TMTC2: variants seen among roughly 807,000 people sequenced by gnomAD.
The protein encoded by TMTC2 is transmembrane O-mannosyltransferase targeting cadherins 2, also known as protein O-mannosyl-transferase TMTC2.
TMTC2 carries 43 observed loss-of-function variants against 82.4 expected under a neutral mutation model. The ratio of observed to expected loss-of-function variants is 0.52; its 90% CI spans 0.41 to 0.67. The LOEUF is 0.67. Ranked by LOEUF, TMTC2 falls within the 30% of genes least tolerant of loss-of-function variation. The probability of loss-of-function intolerance (pLI) is 0.00; values close to 1 mark genes in which losing one functional copy is unlikely to be tolerated. For missense variants in TMTC2, 919 were observed against 1,012.4 expected (o/e 0.91, Z 1.25); for synonymous variants, 408 against 381.9 (o/e 1.07, Z -0.80).
At chr12:83,029,624 C>A (rs76098259) in intron 8 of TMTC2, among the ~76,000 whole-genome samples, 102 of 152,232 alleles carry the variant, frequency 6.7e-4, no homozygotes, top group African/African-American at 2.3e-3. Context: ...TTGGACACCA[C>A]CCAGTGCCTT....
intron 4 of TMTC2, among the ~76,000 whole-genome samples, chr12:82,949,448 G>A (rs901620145): frequency 6.6e-6 from 1 of 152,112 alleles, no homozygotes; most frequent in Non-Finnish European, 1.5e-5. Context: ...TCATGGGAAG[G>A]GTAATGGGGA....
At chr12:83,116,232 G>A (rs1405054229) in intron 11 of TMTC2, among the ~76,000 whole-genome samples, 2 of 152,174 alleles carry the variant, frequency 1.3e-5, no homozygotes, top group African/African-American at 2.4e-5. Flanking sequence ...TCTCATCTAG[G>A]TTGTGGCAAA....
chr12:82,831,245 C>A (rs1403885852), intron 1 of TMTC2, among the ~76,000 whole-genome samples: 1 of 152,126 alleles, frequency 6.6e-6, no homozygotes, highest in Non-Finnish European at 1.5e-5. Flanking sequence ...CTGGTTTGAC[C>A]ACCTAACCAT....
chr12:82,735,645 C>T (rs1441155460), intron 1 of TMTC2, among the ~76,000 whole-genome samples: 4 of 151,070 alleles, frequency 2.6e-5, no homozygotes, highest in Non-Finnish European at 5.9e-5. Flanking sequence ...GCACCCAGCC[C>T]CCCTAATTTT....
intron 1 of TMTC2, among the ~76,000 whole-genome samples, chr12:82,687,985 C>T (rs1239997651): frequency 2.6e-5 from 4 of 152,162 alleles, no homozygotes; most frequent in Non-Finnish European, 5.9e-5. Flanking sequence ...AAATTAAAGT[C>T]TTAGGTATTC....
intron 1 of TMTC2, among the ~76,000 whole-genome samples, chr12:82,708,051 GT>G (rs1270045096): frequency 6.6e-6 from 1 of 152,190 alleles, no homozygotes; most frequent in East Asian, 1.9e-4. Context: ...CCTGCAGTCT[GT>G]TTTTTTAAAC....
intron 8 of TMTC2, 128 bp downstream of exon 8, chr12:82,986,174 C>T: frequency 7.8e-7 from 1 of 1,277,722 alleles, no homozygotes; most frequent in Non-Finnish European, 1.1e-6. Flanking sequence ...GTGATACTAA[C>T]TTTGAACCCT....
intron 1 of TMTC2, among the ~76,000 whole-genome samples, chr12:82,814,160 G>A (rs553768949): frequency 2.0e-5 from 3 of 152,152 alleles, no homozygotes; most frequent in South Asian, 2.1e-4. Context: ...CCAGTTAATC[G>A]GCCTGCAAAG....
intron 10 of TMTC2, among the ~76,000 whole-genome samples, chr12:83,052,536 T>C (rs1368640093): frequency 6.6e-6 from 1 of 152,158 alleles, no homozygotes; most frequent in Non-Finnish European, 1.5e-5. Context: ...GACTTTTTGT[T>C]CCTCATGAAT....
At chr12:83,041,147 G>A (rs1186759347) in intron 9 of TMTC2, among the ~76,000 whole-genome samples, 3 of 152,106 alleles carry the variant, frequency 2.0e-5, no homozygotes, top group Admixed American at 6.6e-5. Context: ...CTAAGGCGAC[G>A]TATAGTTATG....
chr12:83,059,931 C>T (rs1351779816), intron 10 of TMTC2, among the ~76,000 whole-genome samples: 2 of 151,744 alleles, frequency 1.3e-5, no homozygotes, highest in Non-Finnish European at 1.5e-5. Context: ...TTCCTACCTG[C>T]ATGCCTTTTA....
chr12:82,745,552 G>A (rs1207189010), intron 1 of TMTC2, among the ~76,000 whole-genome samples: 4 of 152,204 alleles, frequency 2.6e-5, no homozygotes, highest in South Asian at 2.1e-4. Context: ...CTCCTGTTCA[G>A]TAGCTTAAAA....
At chr12:83,122,663 A>G (rs1238594570) in intron 11 of TMTC2, among the ~76,000 whole-genome samples, 1 of 152,170 alleles carries the variant, frequency 6.6e-6, no homozygotes, top group Non-Finnish European at 1.5e-5. Context: ...GGGCACTCAC[A>G]GTATTTGGGG....
intron 4 of TMTC2, among the ~76,000 whole-genome samples, chr12:82,940,014 C>G (rs201576292): frequency 2.2e-5 from 2 of 91,264 alleles, no homozygotes; most frequent in East Asian, 3.0e-4. Context: ...TCTTTCTTTA[C>G]TTTTTTTTTT....
At chr12:82,885,585 G>A (rs1191399245) in intron 2 of TMTC2, among the ~76,000 whole-genome samples, 2 of 151,744 alleles carry the variant, frequency 1.3e-5, no homozygotes, top group East Asian at 1.9e-4. Context: ...GCCCAAGTGG[G>A]TCCTGAACTT....
At chr12:83,029,114 TTTTTGTTTTG>T (rs375722686) in intron 8 of TMTC2, among the ~76,000 whole-genome samples, 12 of 152,026 alleles carry the variant, frequency 7.9e-5, no homozygotes, top group Admixed American at 2.0e-4. Flanking sequence ...AACAATGAGT[TTTTTGTTTTG>T]TTTTGTTTTG....
At chr12:82,875,158 G>A (rs1174000365) in intron 2 of TMTC2, among the ~76,000 whole-genome samples, 4 of 152,084 alleles carry the variant, frequency 2.6e-5, no homozygotes, top group Non-Finnish European at 5.9e-5. Context: ...GAACTTACTT[G>A]CTAAACTCAT....
chr12:82,845,690 T>A (rs1372314627), intron 1 of TMTC2, among the ~76,000 whole-genome samples: 1 of 152,148 alleles, frequency 6.6e-6, no homozygotes, highest in Non-Finnish European at 1.5e-5. Flanking sequence ...ATTTATACTG[T>A]TTTTCATCAT....
At chr12:82,774,400 T>C (rs11115410) in intron 1 of TMTC2, among the ~76,000 whole-genome samples, 37,976 of 151,864 alleles carry the variant, frequency 0.25, 5,933 homozygotes, top group African/African-American at 0.44. Flanking sequence ...GAGGGTGGAT[T>C]ACCTGAGGTC....
Sources: gnomAD v4.1 joint callset for allele counts (sites outside exome capture counted in the v4.1 genomes callset) on GRCh38, gnomAD v4.1.1 for gene constraint, MANE v1.5 for transcripts, NCBI Gene and HGNC (gene_info 2026-07-23, HGNC 2026-07-21) for gene names.